The following DOCK10 variants were observed in gnomAD, a reference collection of about 807,000 sequenced individuals.
The protein encoded by DOCK10 is dedicator of cytokinesis protein 10.
In DOCK10, 145 loss-of-function variants were observed where a neutral mutation model predicts 280.1. That is an observed-to-expected ratio of 0.52 (90% CI 0.45 to 0.59). DOCK10 has a LOEUF of 0.59. DOCK10 is among the 20% of genes least tolerant of loss of function. The pLI, the probability that DOCK10 is intolerant of heterozygous loss-of-function variation, is 0.00. For synonymous variants in DOCK10, 915 were observed against 942.2 expected (o/e 0.97, Z 0.53); for missense variants, 2,368 against 2,651.7 (o/e 0.89, Z 2.35).
At chr2:224,989,441 ATCT>A (rs1433765443) in intron 1 of DOCK10, among the ~76,000 whole-genome samples, 2 of 152,172 alleles carry the variant, frequency 1.3e-5, no homozygotes, top group Non-Finnish European at 2.9e-5. Context: ...CATCATTATC[ATCT>A]TCATCATCAA....
Position 225,014,082 on chromosome 2 carries a change from T to TATA in DOCK10, c.123+28169_123+28170insTAT, listed in dbSNP as rs143161746. Among the ~76,000 whole-genome samples the TATA allele has an allele frequency of 3.3e-3, 152 of 45,692 alleles. 7 individuals carry two copies. The highest frequency in any genetic ancestry group is 6.1e-3 in the South Asian group (7 of 1,156). 30.0% of individuals were successfully genotyped at this position (45,692 alleles called of 152,430 possible). On this transcript the variant is annotated intron_variant, in intron 1 of 55. Coordinates refer to ENST00000258390, the MANE Select transcript of DOCK10 (RefSeq NM_014689.3). ...AAAAATCCCCAGAAGTCTGAATATATTGTTTTTTTTTTTTTGTTTTTTTTT... is the reference window on the plus strand; with the variant it reads ...AAAAATCCCCAGAAGTCTGAATATATATATGTTTTTTTTTTTTTGTTTTTTTTT...
chr2:225,011,657 A>G (rs1157552408), intron 1 of DOCK10, among the ~76,000 whole-genome samples: 1 of 152,242 alleles, frequency 6.6e-6, no homozygotes, highest in Non-Finnish European at 1.5e-5. Context: ...AAGAAAATCA[A>G]CCAAGTCAAG....
intron 15 of DOCK10, among the ~76,000 whole-genome samples, chr2:224,855,953 TA>T: frequency 6.6e-6 from 1 of 152,320 alleles, no homozygotes; most frequent in Non-Finnish European, 1.5e-5. Context: ...TACTACATGG[TA>T]AGATTATCTG....
At chr2:224,923,687 C>T (rs1163951753) in intron 2 of DOCK10, among the ~76,000 whole-genome samples, 1 of 152,252 alleles carries the variant, frequency 6.6e-6, no homozygotes, top group Non-Finnish European at 1.5e-5. Context: ...ATTTCTCCTT[C>T]AGGGCCAGCC....
intron 1 of DOCK10, among the ~76,000 whole-genome samples, chr2:224,942,595 C>T (rs970892000): frequency 2.0e-5 from 3 of 152,114 alleles, no homozygotes; most frequent in African/African-American, 7.2e-5. Context: ...CCTAACGAAG[C>T]ACAGATCACC....
chr2:224,930,210 A>T (rs535647846), intron 2 of DOCK10, among the ~76,000 whole-genome samples: 4 of 148,530 alleles, frequency 2.7e-5, no homozygotes, highest in African/African-American at 9.9e-5. Flanking sequence ...TAAAAAAAAA[A>T]AAAAAAAAAG....
At chr2:225,027,354 C>T (rs187478749) in intron 1 of DOCK10, among the ~76,000 whole-genome samples, 31 of 152,266 alleles carry the variant, frequency 2.0e-4, no homozygotes, top group Admixed American at 7.8e-4. Context: ...GCCCGATGAC[C>T]ACTGTAATAA....
At position 224,852,467 on chromosome 2, in the gene DOCK10, G is replaced by T; in HGVS notation, c.2077-25C>A. 1.9e-6 allele frequency: 3 copies of T among 1,540,174 alleles called. 1 individual carries two copies. Among genetic ancestry groups the T allele is most frequent in the South Asian group, 2.4e-5 (2 of 82,834 alleles). The stretch of plus-strand genomic sequence containing the variant: ...CCTGAAATTACGGAGAGAAAAAATG[G>T]AAATTGTAATTTCCTATCAAATAAC... On this transcript the variant is annotated intron_variant, in intron 17 of 55. Coordinates refer to ENST00000258390, the MANE Select transcript of DOCK10 (RefSeq NM_014689.3).
chr2:224,855,167 C>T, intron 15 of DOCK10, 125 bp from the exon 16 acceptor site: 1 of 485,976 alleles, frequency 2.1e-6, no homozygotes. Context: ...TAAGGGTAAA[C>T]AGCAGACTCC....
intron 1 of DOCK10, among the ~76,000 whole-genome samples, chr2:224,938,277 C>T (rs961110501): frequency 6.6e-5 from 10 of 152,146 alleles, no homozygotes; most frequent in Non-Finnish European, 1.3e-4. Flanking sequence ...ATATCTGAAC[C>T]TTTATTCTAT....
At chr2:224,845,119 C>T in intron 21 of DOCK10, 84 bp downstream of exon 21, 1 of 1,389,284 alleles carries the variant, frequency 7.2e-7, no homozygotes, top group East Asian at 2.5e-5. Context: ...CCACTATGAT[C>T]TTAAGTAGCA....
rs1559986747 is a variant in DOCK10, at chr2:225,035,572, A to ATATATATATATATATATATATATATAT, written c.123+6679_123+6680insATATATATATATATATATATATATATA. 7.1e-5 allele frequency among the ~76,000 whole-genome samples: 5 copies of ATATATATATATATATATATATATATAT among 69,960 alleles called. No individual in the cohort carries two copies. The South Asian group carries it at 2.0e-3, about 27-fold the overall frequency. 45.9% of individuals were successfully genotyped at this position (69,960 alleles called of 152,430 possible). A position where few individuals can be genotyped will look rare whatever the true frequency, so the allele number is the denominator to read the frequency against. On this transcript the variant is annotated intron_variant, in intron 1 of 55. Coordinates refer to ENST00000258390, the MANE Select transcript of DOCK10 (RefSeq NM_014689.3). ...TATATATATATATATATATATATAT[A>ATATATATATATATATATATATATATAT]TATATATATATATATAACACTGAAT...
intron 1 of DOCK10, among the ~76,000 whole-genome samples, chr2:225,000,241 C>T (rs192475950): frequency 1.1e-3 from 171 of 151,992 alleles, no homozygotes; most frequent in African/African-American, 4.1e-3. Context: ...CACACACACA[C>T]ACATGCAATT....
intron 11 of DOCK10, among the ~76,000 whole-genome samples, chr2:224,869,681 A>G (rs1280275642): frequency 6.6e-6 from 1 of 152,228 alleles, no homozygotes; most frequent in East Asian, 1.9e-4. Context: ...CTCCAAATCA[A>G]CTTAACCCTT....
chr2:224,880,480 G>A (rs1698916483), intron 7 of DOCK10, among the ~76,000 whole-genome samples: 1 of 152,176 alleles, frequency 6.6e-6, no homozygotes, highest in South Asian at 2.1e-4. Flanking sequence ...TGATTGTTAA[G>A]TCATTAAAAT....
Position 224,853,056 on chromosome 2 carries a change from A to G in DOCK10, c.1955T>C (p.Val652Ala). 1 of 1,611,446 alleles carries G rather than the reference A, an allele frequency of 6.2e-7. No individual in the cohort carries two copies. Among genetic ancestry groups the G allele is most frequent in the South Asian group, 1.1e-5 (1 of 90,700 alleles). Residue 652 changes from valine (V) to alanine (A), a missense_variant, in exon 17 of 56, where the codon GTG becomes GCG. Val to Ala is a moderately conservative substitution (Grantham distance 64). Coordinates refer to ENST00000258390, the MANE Select transcript of DOCK10 (RefSeq NM_014689.3). ...ATCGTAAACAAATTCTTCCACCTCC[A>G]CTGTGGGTTCTGTTTGAGCCATCAT... ...FNMMAQTEPT[V>A]EVEEFVYDST...
At position 224,886,480 on chromosome 2, in the gene DOCK10, A is replaced by G. The variant is rs987021034; in HGVS notation, c.468T>C (p.His156=). The part of the protein sequence containing the change: ...KLPSHSFEID[H]EDADKDEDTT... ...TTACTTCATCCTTATCAGCATCTTC[A>G]TGGTCAATCTCAAAGGAATGTGAAG... The change falls in exon 5 of 56, where the codon CAT becomes CAC. Residue 156 remains histidine (H), a synonymous_variant. Transcript: ENST00000258390. The G allele has an allele frequency of 1.9e-6, 3 of 1,610,922 alleles. No homozygotes were observed. In the African/African-American group the frequency reaches 4.0e-5, roughly 22 times the overall value.
At chr2:224,943,488 C>T (rs1009248497) in intron 1 of DOCK10, among the ~76,000 whole-genome samples, 77 of 152,066 alleles carry the variant, frequency 5.1e-4, no homozygotes, top group African/African-American at 1.7e-3. Context: ...AATTTTCTTT[C>T]GATTCAGAAA....
intron 1 of DOCK10, among the ~76,000 whole-genome samples, chr2:225,009,512 CTGAG>C (rs1689372644): frequency 6.6e-6 from 1 of 152,094 alleles, no homozygotes; most frequent in Non-Finnish European, 1.5e-5. Context: ...GTTAATCTCC[CTGAG>C]TGTCTCCCTA....
Sources: gnomAD v4.1 joint callset for allele counts (sites outside exome capture counted in the v4.1 genomes callset) on GRCh38, gnomAD v4.1.1 for gene constraint, MANE v1.5 for transcripts, NCBI Gene and HGNC (gene_info 2026-07-23, HGNC 2026-07-21) for gene names.